The following CADPS2 variants were observed in gnomAD, a reference collection of about 807,000 sequenced individuals.
The protein encoded by CADPS2 is calcium dependent secretion activator 2.
Under a neutral mutation model 172.5 loss-of-function variants are expected in CADPS2, and 93 were observed. The ratio of observed to expected loss-of-function variants is 0.54; its 90% CI spans 0.46 to 0.64. The LOEUF (loss-of-function observed/expected upper bound fraction) is 0.64. Among genes scored for constraint, CADPS2 ranks in the 30% least tolerant of loss-of-function variants. CADPS2 has a pLI of 0.00. For synonymous variants in CADPS2, 546 were observed against 555.2 expected, an observed-to-expected ratio of 0.98 and a Z score of 0.23; for missense variants, 1,420 against 1,565.9, an observed-to-expected ratio of 0.91 and a Z score of 1.57.
At chr7:122,418,325 G>T (rs2048170482) in intron 17 of CADPS2, among the ~76,000 whole-genome samples, 2 of 152,172 alleles carry the variant, frequency 1.3e-5, no homozygotes, top group Non-Finnish European at 2.9e-5. Flanking sequence ...AAAGATAAAT[G>T]CAACAGCTAA....
intron 27 of CADPS2, among the ~76,000 whole-genome samples, chr7:122,360,434 T>G (rs922587085): frequency 1.3e-5 from 2 of 152,184 alleles, no homozygotes; most frequent in African/African-American, 2.4e-5. Context: ...CTACCTTCTA[T>G]AAGAAACCCA....
At chr7:122,504,310 T>C (rs1045281429) in intron 9 of CADPS2, among the ~76,000 whole-genome samples, 1 of 152,168 alleles carries the variant, frequency 6.6e-6, no homozygotes, top group African/African-American at 2.4e-5. Flanking sequence ...AATTCAGTTG[T>C]CAGGGAGCCA....
chr7:122,346,468 AT>A (rs535264846), intron 27 of CADPS2, among the ~76,000 whole-genome samples: 1 of 152,180 alleles, frequency 6.6e-6, no homozygotes, highest in Non-Finnish European at 1.5e-5. Flanking sequence ...TACAAACTAA[AT>A]TTTTTATTAA....
chr7:122,411,223 C>CT (rs560751027), intron 19 of CADPS2, among the ~76,000 whole-genome samples: 38,779 of 141,386 alleles, frequency 0.27, 5,502 homozygotes, highest in East Asian at 0.38. Flanking sequence ...CCTTTGATTA[C>CT]TTTTTTTTTT....
At chr7:122,388,296 C>T (rs759671126) in intron 23 of CADPS2, among the ~76,000 whole-genome samples, 1 of 151,890 alleles carries the variant, frequency 6.6e-6, no homozygotes, top group Non-Finnish European at 1.5e-5. Flanking sequence ...GAATTTAAAG[C>T]ATAGTATTCC....
intron 20 of CADPS2, 51 bp downstream of exon 20, chr7:122,407,489 A>T: frequency 1.3e-6 from 2 of 1,563,336 alleles, no homozygotes; most frequent in Admixed American, 1.8e-5. Flanking sequence ...CACATTCAAC[A>T]TTCTCCCACC....
chr7:122,513,829 T>G (rs2060165746), intron 8 of CADPS2, among the ~76,000 whole-genome samples: 1 of 152,194 alleles, frequency 6.6e-6, no homozygotes, highest in South Asian at 2.1e-4. Context: ...AAAGGATGGA[T>G]TTGCTGATTT....
chr7:122,591,882 C>A (rs1230823646), intron 6 of CADPS2, among the ~76,000 whole-genome samples: 1 of 152,102 alleles, frequency 6.6e-6, no homozygotes, highest in African/African-American at 2.4e-5. Flanking sequence ...ACCATAAAAA[C>A]CCTAGAAGAA....
intron 9 of CADPS2, among the ~76,000 whole-genome samples, chr7:122,511,112 T>A (rs2059973065): frequency 6.6e-6 from 1 of 152,198 alleles, no homozygotes. Context: ...TTCTTAAATT[T>A]AAATTATGAA....
intron 28 of CADPS2, among the ~76,000 whole-genome samples, chr7:122,341,457 C>A (rs192858854): frequency 8.1e-4 from 124 of 152,310 alleles, no homozygotes; most frequent in Non-Finnish European, 6.0e-4. Flanking sequence ...TTAGTTTACA[C>A]GTACTAAGTA....
chr7:122,801,684 A>G (rs568149414), intron 1 of CADPS2, among the ~76,000 whole-genome samples: 276 of 152,336 alleles, frequency 1.8e-3, no homozygotes, highest in Non-Finnish European at 3.0e-3. Context: ...ATATGTAGGA[A>G]AGAAAAAAAT....
At chr7:122,501,038 T>C (rs1361811413) in intron 9 of CADPS2, among the ~76,000 whole-genome samples, 1 of 151,652 alleles carries the variant, frequency 6.6e-6, no homozygotes, top group Non-Finnish European at 1.5e-5. Flanking sequence ...GATGATCACT[T>C]GAGGCTAGGA....
intron 9 of CADPS2, among the ~76,000 whole-genome samples, chr7:122,498,905 A>C (rs2058975164): frequency 6.6e-6 from 1 of 152,156 alleles, no homozygotes; most frequent in South Asian, 2.1e-4. Flanking sequence ...ATTGTGAGCT[A>C]ATAATAAACA....
intron 11 of CADPS2, among the ~76,000 whole-genome samples, chr7:122,488,626 T>C (rs2058044308): frequency 6.6e-6 from 1 of 152,188 alleles, no homozygotes; most frequent in Non-Finnish European, 1.5e-5. Flanking sequence ...CCTAAGCCCA[T>C]GTGAACAGAG....
chr7:122,586,215 A>T (rs1305010476), intron 6 of CADPS2, among the ~76,000 whole-genome samples: 1 of 151,984 alleles, frequency 6.6e-6, no homozygotes. Context: ...TTATGTGGAG[A>T]TGACATTCTA....
intron 6 of CADPS2, among the ~76,000 whole-genome samples, chr7:122,603,259 A>G (rs2073042185): frequency 6.6e-6 from 1 of 152,124 alleles, no homozygotes; most frequent in South Asian, 2.1e-4. Context: ...TGACAATACA[A>G]ACACCCAAGC....
chr7:122,618,165 G>A (rs183061302), intron 5 of CADPS2, among the ~76,000 whole-genome samples: 97 of 152,056 alleles, frequency 6.4e-4, no homozygotes, highest in African/African-American at 2.0e-3. Context: ...ACAGCTTAGC[G>A]TTTTGTGGAT....
intron 3 of CADPS2, among the ~76,000 whole-genome samples, chr7:122,636,746 T>G (rs1279154384): frequency 6.6e-6 from 1 of 152,120 alleles, no homozygotes; most frequent in Non-Finnish European, 1.5e-5. Context: ...GGATTACAGG[T>G]GTAAGCCACC....
intron 3 of CADPS2, among the ~76,000 whole-genome samples, chr7:122,661,043 G>A (rs1192521286): frequency 6.6e-6 from 1 of 152,138 alleles, no homozygotes; most frequent in Non-Finnish European, 1.5e-5. Flanking sequence ...AAGAAAGCTG[G>A]AGTGGCTGTA....
Sources: gnomAD v4.1 joint callset for allele counts (sites outside exome capture counted in the v4.1 genomes callset) on GRCh38, gnomAD v4.1.1 for gene constraint, MANE v1.5 for transcripts, NCBI Gene and HGNC (gene_info 2026-07-23, HGNC 2026-07-21) for gene names.